RHBDF2: variants seen among roughly 807,000 people sequenced by gnomAD.
RHBDF2 encodes the protein inactive rhomboid protein 2.
In RHBDF2, 38 loss-of-function variants were observed where a neutral mutation model predicts 95.2. The ratio of observed to expected loss-of-function variants is 0.40; its 90% CI spans 0.31 to 0.52. The LOEUF (loss-of-function observed/expected upper bound fraction) is 0.52. Among genes scored for constraint, RHBDF2 ranks in the 20% least tolerant of loss-of-function variants. RHBDF2 has a pLI of 0.56. For synonymous variants in RHBDF2, 442 were observed against 462.0 expected (o/e 0.96, Z 0.55); for missense variants, 863 against 1,137.7 (o/e 0.76, Z 3.47).
At chr17:76,473,769 A>G (rs964854185) in intron 14 of RHBDF2, 27 bp from the exon 15 acceptor site, 1 of 1,611,626 alleles carries the variant, frequency 6.2e-7, no homozygotes, top group Non-Finnish European at 8.5e-7. Flanking sequence ...CCGGCAGGGA[A>G]GTGGGCTGTG....
chr17:76,472,196 C>T (rs1282925022), intron 18 of RHBDF2, 144 bp from the exon 19 acceptor site: 1 of 754,194 alleles, frequency 1.3e-6, no homozygotes, highest in Non-Finnish European at 2.1e-6. Flanking sequence ...TCGGCTGGAG[C>T]TGCTGGACCA....
rs1290642315 is a variant in RHBDF2 at position 76,479,021 on chromosome 17, G to A, written c.469-12C>T. ...AGCGGATCCACAATCTGGAAGGGAGGGGGGCGGTAAGCAGAGCCATTAGGG... is the reference window on the plus strand; with the variant it reads ...AGCGGATCCACAATCTGGAAGGGAGAGGGGCGGTAAGCAGAGCCATTAGGG... On this transcript the variant is annotated splice_polypyrimidine_tract_variant and intron_variant, in intron 5 of 18. Transcript: ENST00000675367. The A allele has an allele frequency of 3.7e-6, 6 of 1,606,684 alleles. No individual in the cohort carries two copies. The highest frequency in any genetic ancestry group is 5.1e-6 in the Non-Finnish European group (6 of 1,175,558).
rs747526150 is a variant in RHBDF2, at chr17:76,473,645, C to T, written c.1733+3G>A. ...GGCTGAGGCCAGGGCCCAGGTCGCT[C>T]ACCTGCCCTTGGTGCCGATGCAGCA... is the stretch of plus-strand genomic sequence containing the variant. On this transcript the variant is annotated splice_donor_region_variant and intron_variant, in intron 15 of 18. Transcript: ENST00000675367. 2 of 1,602,766 alleles carry T rather than the reference C, an allele frequency of 1.2e-6. No homozygotes were observed. Among genetic ancestry groups the T allele is most frequent in the South Asian group, 2.2e-5 (2 of 89,502 alleles).
chr17:76,485,420 A>G (rs1436989089), intron 2 of RHBDF2, among the ~76,000 whole-genome samples: 2 of 149,404 alleles, frequency 1.3e-5, no homozygotes, highest in East Asian at 2.0e-4. Context: ...TCAAAAAAAA[A>G]AAAAAAAAAA....
In RHBDF2 at chr17:76,477,868, G is replaced by A. The variant is rs957718360; in HGVS notation, c.673-83C>T. On this transcript the variant is annotated intron_variant, in intron 6 of 18. Coordinates refer to ENST00000675367, the MANE Select transcript of RHBDF2 (RefSeq NM_001005498.4). Reference sequence around the variant, plus strand: ...GCCCCAACACCGAAGGAATCATCAAGCCCATCCGCCTGCAGGCAGCGCCTT... The same window carrying A: ...GCCCCAACACCGAAGGAATCATCAAACCCATCCGCCTGCAGGCAGCGCCTT... 24 of 1,555,090 alleles carry A rather than the reference G, an allele frequency of 1.5e-5. 1 individual carries two copies. The East Asian group carries it at 2.3e-4, about 15-fold the overall frequency.
At position 76,479,151 on chromosome 17, in the gene RHBDF2, C is replaced by G. The variant is rs2073865979; in HGVS notation, c.399G>C (p.Leu133=). ...GRLKASCQRD[L]ELPSQEAPSF... is the part of the protein sequence containing the mutation. ...ACGGTGCCTCCTGGCTGGGGAGCTC[C>G]AGGTCACGCTGGCACGAGGCCTTCA... is the stretch of plus-strand genomic sequence containing the variant. The change falls in exon 5 of 19, where the codon CTG becomes CTC. Residue 133 remains leucine (L), a synonymous_variant. Transcript: ENST00000675367. 2 of 1,613,316 alleles carry G rather than the reference C, an allele frequency of 1.2e-6. No individual in the cohort carries two copies. The highest frequency in any genetic ancestry group is 1.7e-6 in the Non-Finnish European group (2 of 1,179,784).
At chr17:76,488,664 C>T (rs530697890) in intron 1 of RHBDF2, among the ~76,000 whole-genome samples, 3 of 151,760 alleles carry the variant, frequency 2.0e-5, no homozygotes, top group South Asian at 4.2e-4. Context: ...AAAAATTAGC[C>T]GGGGCTGGGT....
At chr17:76,498,799 T>A (rs1013868048) in intron 1 of RHBDF2, among the ~76,000 whole-genome samples, 1 of 148,260 alleles carries the variant, frequency 6.7e-6, no homozygotes, top group African/African-American at 2.6e-5. Context: ...AGTGTGTGTG[T>A]GTGTGTGTGT....
Position 76,490,272 on chromosome 17 carries a change from G to A in RHBDF2, c.-219-2363C>T, listed in dbSNP as rs558574648. On this transcript the variant is annotated intron_variant, in intron 1 of 18. Coordinates refer to ENST00000675367, the MANE Select transcript of RHBDF2 (RefSeq NM_001005498.4). ...CCTCCTTCCATCCCGAAGTGCTGGG[G>A]AGTCCTGACCCCACCCCCCAGGGCA... Among the ~76,000 whole-genome samples, 8 of 152,250 alleles carry A rather than the reference G, an allele frequency of 5.3e-5. No homozygotes were observed. In the South Asian group the frequency reaches 1.5e-3, roughly 28 times the overall value.
chr17:76,471,499 G>T lies in RHBDF2; in HGVS notation c.*134C>A, dbSNP rs375294176. The T allele has an allele frequency of 2.0e-6, 2 of 1,019,294 alleles. No homozygotes were observed. The highest frequency in any genetic ancestry group is 1.4e-6 in the Non-Finnish European group (1 of 714,000). 63.1% of individuals were successfully genotyped at this position (1,019,294 alleles called of 1,614,324 possible). A position where few individuals can be genotyped will look rare whatever the true frequency, so the allele number is the denominator to read the frequency against. On this transcript the variant is annotated 3_prime_UTR_variant, in exon 19 of 19. Coordinates refer to ENST00000675367, the MANE Select transcript of RHBDF2 (RefSeq NM_001005498.4). Reference sequence around the variant, plus strand: ...GGAGTCAGCCTCGCCTGGCAGGGGGGCACCCAGGTCCAGAGCCCGGGCCCT... The same window carrying T: ...GGAGTCAGCCTCGCCTGGCAGGGGGTCACCCAGGTCCAGAGCCCGGGCCCT...
At position 76,475,412 on chromosome 17, in the gene RHBDF2, T is replaced by C. The variant is rs186807792; in HGVS notation, c.1116-271A>G. 2.6e-4 allele frequency among the ~76,000 whole-genome samples: 39 copies of C among 152,286 alleles called. No individual in the cohort carries two copies. The East Asian group carries it at 6.0e-3, about 23-fold the overall frequency. On this transcript the variant is annotated intron_variant, in intron 9 of 18. Transcript: ENST00000675367. ...AAAGCTTTGCCTGACCGACCACCTCTCTGGCCTCTTTGCCTGCATTTCCTG... is the reference window on the plus strand; with the variant it reads ...AAAGCTTTGCCTGACCGACCACCTCCCTGGCCTCTTTGCCTGCATTTCCTG...
rs773001667 is a variant in RHBDF2 at position 76,477,774 on chromosome 17, C to T, written c.684G>A (p.Val228=). ...GGCACCGCTGTCCGGTGGCATCCAG[C>T]ACCGAGCGCCCCTGTGCACGGGCAG... The part of the protein sequence containing the change: ...AAAALLKGRS[V]LDATGQRCRV... Residue 228 remains valine, a synonymous_variant, in exon 7 of 19, where the codon GTG becomes GTA. Transcript: ENST00000675367. 4 of 1,611,472 alleles carry T rather than the reference C, an allele frequency of 2.5e-6. No homozygotes were observed. The highest frequency in any genetic ancestry group is 3.4e-6 in the Non-Finnish European group (4 of 1,179,946).
At chr17:76,476,676 G>A in intron 9 of RHBDF2, 154 bp downstream of exon 9, 3 of 1,174,792 alleles carry the variant, frequency 2.6e-6, no homozygotes, top group East Asian at 2.6e-5. Context: ...ACAACCCTTG[G>A]GACAGGGTGC....
chr17:76,481,019 C>T (rs199857646), intron 3 of RHBDF2, among the ~76,000 whole-genome samples: 1 of 152,178 alleles, frequency 6.6e-6, no homozygotes, highest in East Asian at 1.9e-4. Context: ...AGACACTGTC[C>T]CCTGCTCACC....
intron 18 of RHBDF2, chr17:76,472,478 G>T: frequency 1.5e-6 from 1 of 676,212 alleles, no homozygotes; most frequent in Non-Finnish European, 2.6e-6. Context: ...TGAGGCGGTG[G>T]AGGGACAGGG....
chr17:76,491,445 C>T (rs895596168), intron 1 of RHBDF2, among the ~76,000 whole-genome samples: 7 of 151,916 alleles, frequency 4.6e-5, no homozygotes, highest in South Asian at 2.1e-4. Flanking sequence ...GGGGGGGTCC[C>T]GAAGAGAGGT....
chr17:76,474,975 C>T, intron 10 of RHBDF2, 55 bp downstream of exon 10: 1 of 1,485,146 alleles, frequency 6.7e-7, no homozygotes, highest in South Asian at 1.2e-5. Context: ...ACCCACGACA[C>T]TGAGGCCTCC....
intron 1 of RHBDF2, among the ~76,000 whole-genome samples, chr17:76,499,344 G>C (rs1286171438): frequency 6.6e-6 from 1 of 152,136 alleles, no homozygotes; most frequent in African/African-American, 2.4e-5. Context: ...GGACGTGGCT[G>C]CTTCATCCGA....
chr17:76,477,275 A>G lies in RHBDF2; in HGVS notation c.825T>C (p.Asp275=). ...AGAGTGGGGGGGACTCAAAGACATCATCAGGCATGGAGCTCATTTCTTCCT... is the reference window on the plus strand; with the variant it reads ...AGAGTGGGGGGGACTCAAAGACATCGTCAGGCATGGAGCTCATTTCTTCCT... ...FSKEEMSSMP[D]DVFESPPLSA... Residue 275 remains aspartate (D), a synonymous_variant, in exon 8 of 19, where the codon GAT becomes GAC. Coordinates refer to ENST00000675367, the MANE Select transcript of RHBDF2 (RefSeq NM_001005498.4). The G allele has an allele frequency of 1.9e-6, 3 of 1,611,998 alleles. No individual in the cohort carries two copies. The highest frequency in any genetic ancestry group is 1.3e-5 in the African/African-American group (1 of 74,882).
Sources: gnomAD v4.1 joint callset for allele counts (sites outside exome capture counted in the v4.1 genomes callset) on GRCh38, gnomAD v4.1.1 for gene constraint, MANE v1.5 for transcripts, NCBI Gene and HGNC (gene_info 2026-07-23, HGNC 2026-07-21) for gene names.